THRA: variants seen among roughly 807,000 people sequenced by gnomAD.
The protein encoded by THRA is EAR-7.
Under a neutral mutation model 45.0 loss-of-function variants are expected in THRA, and 13 were observed. The observed-to-expected ratio is 0.29, with a 90% CI of 0.19 to 0.46. The LOEUF (loss-of-function observed/expected upper bound fraction) is 0.46, where lower values mean the gene tolerates loss of function less well. THRA is among the 20% of genes least tolerant of loss of function. The pLI, the probability that THRA is intolerant of heterozygous loss-of-function variation, is 1.00. For missense variants in THRA, 278 were observed against 556.1 expected (o/e 0.50, Z 5.03); for synonymous variants, 195 against 214.0 (o/e 0.91, Z 0.78).
At position 40,091,050 on chromosome 17, in the gene THRA, G is replaced by A. The variant is rs1049898534; in HGVS notation, c.*1594G>A. 6.6e-6 allele frequency: 1 copy of A among 151,708 alleles called. No individual in the cohort carries two copies. The highest frequency in any genetic ancestry group is 2.1e-4 in the South Asian group (1 of 4,796). The allele number at this position is 151,708 out of a possible 1,614,324, so 9.4% of individuals were successfully genotyped here. The stretch of plus-strand genomic sequence containing the variant: ...GCAGACCAGAGGGTGCTGGGCTCAG[G>A]GCTGCATGTCGGCAGGGATGGATGG... On this transcript the variant is annotated 3_prime_UTR_variant, in exon 9 of 9. Coordinates refer to ENST00000450525, the MANE Select transcript of THRA (RefSeq NM_199334.5).
chr17:40,075,494 C>T (rs570738624), intron 2 of THRA, among the ~76,000 whole-genome samples: 17 of 152,366 alleles, frequency 1.1e-4, no homozygotes, highest in Non-Finnish European at 2.2e-4. Flanking sequence ...CAAAGCCTCA[C>T]CCCAGGAAGG....
At position 40,077,080 on chromosome 17, in the gene THRA, G is replaced by A. The variant is rs905128786; in HGVS notation, c.121+142G>A. ...TAGAGGGCTTGGGATGGACTTGTCT[G>A]GGGGTGAGAAAGGTAATGTGGGATG... On this transcript the variant is annotated intron_variant, in intron 3 of 8. Coordinates refer to ENST00000450525, the MANE Select transcript of THRA (RefSeq NM_199334.5). The A allele has an allele frequency of 1.5e-5, 13 of 858,616 alleles. 1 individual carries two copies. The highest frequency in any genetic ancestry group is 6.4e-4 in the Middle Eastern group (2 of 3,132). 53.2% of individuals were successfully genotyped at this position (858,616 alleles called of 1,614,324 possible).
chr17:40,084,900 GTCT>G (rs1159695589), intron 6 of THRA, 85 bp downstream of exon 6: 16 of 1,490,318 alleles, frequency 1.1e-5, no homozygotes, highest in Non-Finnish European at 1.4e-5. Context: ...CCTCCAGGAA[GTCT>G]TCTTAGTGTA....
At chr17:40,068,878 G>A (rs956189734) in intron 1 of THRA, 1 of 152,474 alleles carries the variant, frequency 6.6e-6, no homozygotes, top group African/African-American at 2.4e-5. Flanking sequence ...CGGCATTTTT[G>A]TACACATCAG....
intron 1 of THRA, among the ~76,000 whole-genome samples, chr17:40,073,073 C>T (rs1302191648): frequency 1.3e-5 from 2 of 152,236 alleles, no homozygotes; most frequent in African/African-American, 2.4e-5. Context: ...ATCTCCCTCT[C>T]TCTTCCCACC....
downstream of THRA, chr17:40,093,605 T>C (rs1205273455): frequency 1.3e-6 from 1 of 743,190 alleles, no homozygotes; most frequent in African/African-American, 1.8e-5. The surrounding 1 kb of genome is among the most constrained non-coding windows in gnomAD (Gnocchi z 5.9). Flanking sequence ...CCTTCCCCCT[T>C]TCTCTGCCTG....
At chr17:40,076,152 G>A (rs1270391718) in intron 2 of THRA, among the ~76,000 whole-genome samples, 1 of 152,232 alleles carries the variant, frequency 6.6e-6, no homozygotes. Flanking sequence ...TCCCGGCTCT[G>A]ACTCTAGCTC....
chr17:40,071,515 C>G (rs528139847), intron 1 of THRA, among the ~76,000 whole-genome samples: 45 of 152,356 alleles, frequency 3.0e-4, no homozygotes, highest in African/African-American at 1.1e-3. Context: ...GCTCTTATCT[C>G]ACAAGGAGGG....
rs1194070018 is a variant in THRA, at chr17:40,087,103, T to TAC, written c.723+260_723+261dup. The TAC allele has an allele frequency of 3.2e-5, 14 of 440,258 alleles. No individual in the cohort carries two copies. The Admixed American group carries it at 5.3e-4, about 17-fold the overall frequency. The allele number at this position is 440,258 out of a possible 1,614,324, so 27.3% of individuals were successfully genotyped here. ...ATACAGATACGTACACAGACACACA[T>TAC]ACACACACACATACACCCAGCACAC... On this transcript the variant is annotated intron_variant, in intron 7 of 8. Coordinates refer to ENST00000450525, the MANE Select transcript of THRA (RefSeq NM_199334.5).
Position 40,091,231 on chromosome 17 carries a change from T to TACACACACACACACACACACACAC in THRA, c.*1792_*1815dup, listed in dbSNP as rs71152640. 1 of 142,246 alleles carries TACACACACACACACACACACACAC rather than the reference T, an allele frequency of 7.0e-6. No homozygotes were observed. The highest frequency in any genetic ancestry group is 1.5e-5 in the Non-Finnish European group (1 of 65,486). 8.8% of individuals were successfully genotyped at this position (142,246 alleles called of 1,614,324 possible). ...TGACCCTCAGCCTGCCACAGCCCCC[T>TACACACACACACACACACACACAC]ACACACACACACACACACACACACA... On this transcript the variant is annotated 3_prime_UTR_variant, in exon 9 of 9. Transcript: ENST00000450525.
At chr17:40,063,352 C>T (rs1986428953) in intron 1 of THRA, among the ~76,000 whole-genome samples, 1 of 152,122 alleles carries the variant, frequency 6.6e-6, no homozygotes, top group Admixed American at 6.5e-5. Context: ...CCGAGCCTCC[C>T]CCTGGAGGGC....
intron 1 of THRA, among the ~76,000 whole-genome samples, chr17:40,068,035 AACAG>A (rs928386449): frequency 4.6e-5 from 7 of 152,188 alleles, no homozygotes; most frequent in Admixed American, 6.5e-5. Context: ...ATCCTCTCAA[AACAG>A]ACAGAAAACA....
intron 4 of THRA, among the ~76,000 whole-genome samples, chr17:40,077,954 CCTGAAGTG>C (rs2145062805): frequency 6.6e-6 from 1 of 152,330 alleles, no homozygotes; most frequent in Admixed American, 6.5e-5. Flanking sequence ...GTCTCAGCCT[CCTGAAGTG>C]CTGGGATTAC....
At chr17:40,069,221 C>T (rs1374035179) in intron 1 of THRA, among the ~76,000 whole-genome samples, 1 of 148,884 alleles carries the variant, frequency 6.7e-6, no homozygotes. Context: ...ATCTTTCTCT[C>T]TTCCCTCCCC....
At chr17:40,093,727 A>C (rs534264715), downstream of THRA, 23 of 641,350 alleles carry the variant, frequency 3.6e-5, no homozygotes, top group Non-Finnish European at 5.9e-5. This position sits in a 1 kb window ranked among gnomAD's most constrained non-coding sequence, Gnocchi z 5.9. Flanking sequence ...CTACTGTGAC[A>C]CTTATCTCAC....
chr17:40,066,684 AGAAAAAC>A (rs1567647125), intron 1 of THRA, among the ~76,000 whole-genome samples: 2 of 73,756 alleles, frequency 2.7e-5, no homozygotes, highest in African/African-American at 7.6e-5. Context: ...AAAAAAAAAA[AGAAAAAC>A]AAAAAAGAAC....
Position 40,090,807 on chromosome 17 carries a change from A to T in THRA, c.*1351A>T, listed in dbSNP as rs1425077792. On this transcript the variant is annotated 3_prime_UTR_variant, in exon 9 of 9. Transcript: ENST00000450525. ...CTTTTTCTTTAAAGCTCTTTTGGCCAGCTGCCCCTCTGCCCCGGGACCCCT... is the reference window on the plus strand; with the variant it reads ...CTTTTTCTTTAAAGCTCTTTTGGCCTGCTGCCCCTCTGCCCCGGGACCCCT... 1 of 152,278 alleles carries T rather than the reference A, an allele frequency of 6.6e-6. No individual in the cohort carries two copies. The highest frequency in any genetic ancestry group is 1.9e-4 in the East Asian group (1 of 5,184). The allele number at this position is 152,278 out of a possible 1,614,324, so 9.4% of individuals were successfully genotyped here.
chr17:40,071,232 A>G (rs1364985419), intron 1 of THRA, among the ~76,000 whole-genome samples: 1 of 152,182 alleles, frequency 6.6e-6, no homozygotes, highest in African/African-American at 2.4e-5. Context: ...GTGGGGCCAA[A>G]GCCCAGAGCA....
At position 40,089,016 on chromosome 17, in the gene THRA, C is replaced by G. The variant is rs574810697; in HGVS notation, c.983-190C>G. ...AGTACCCCCCTGCCCCTCTCCACTT[C>G]CCAGCTGCCTCCCTCTCCCTGTGCT... On this transcript the variant is annotated intron_variant, in intron 8 of 8. Transcript: ENST00000450525. The surrounding 1 kb of genome is among the most constrained non-coding windows in gnomAD (Gnocchi z 6.1). Among the ~76,000 whole-genome samples the G allele has an allele frequency of 3.0e-5, 4 of 134,216 alleles. 1 individual carries two copies. The South Asian group carries it at 1.1e-3, about 38-fold the overall frequency. The allele number at this position is 134,216 out of a possible 152,430, so 88.1% of individuals were successfully genotyped here.
Sources: allele counts gnomAD v4.1 joint callset (sites outside exome capture counted in the v4.1 genomes callset), GRCh38; gene constraint gnomAD v4.1.1; non-coding constraint Gnocchi (gnomAD v3.1); transcripts MANE v1.5; gene names NCBI Gene and HGNC (gene_info 2026-07-23, HGNC 2026-07-21).